FHIT: variants seen among roughly 807,000 people sequenced by gnomAD.
FHIT encodes bis(5'-adenosyl)-triphosphatase.
In FHIT, 19 loss-of-function variants were observed where a neutral mutation model predicts 17.9. The observed-to-expected ratio is 1.06, with a 90% CI of 0.74 to 1.56. FHIT has a LOEUF of 1.56. FHIT is among the 40% of genes most tolerant of loss of function. FHIT has a pLI of 0.00. For missense variants in FHIT, 248 were observed against 189.2 expected, an observed-to-expected ratio of 1.31 and a Z score of -1.82; for synonymous variants, 81 against 69.7, an observed-to-expected ratio of 1.16 and a Z score of -0.81.
intron 5 of FHIT, among the ~76,000 whole-genome samples, chr3:60,378,545 C>G (rs1700670349): frequency 6.6e-6 from 1 of 151,992 alleles, no homozygotes; most frequent in Non-Finnish European, 1.5e-5. Context: ...CTTGGTATTT[C>G]AAAGATAATG....
chr3:60,438,918 A>G (rs1404748584), intron 5 of FHIT, among the ~76,000 whole-genome samples: 1 of 152,096 alleles, frequency 6.6e-6, no homozygotes, highest in East Asian at 1.9e-4. Context: ...CAATTCCCAA[A>G]CCCATCATAC....
At chr3:61,196,774 G>A (rs188080404) in intron 2 of FHIT, among the ~76,000 whole-genome samples, 44 of 152,308 alleles carry the variant, frequency 2.9e-4, no homozygotes, top group Admixed American at 2.5e-3. Context: ...AGCTGTAGCC[G>A]CTGAAGAGAG....
chr3:59,819,995 C>T (rs1395126030), intron 8 of FHIT, among the ~76,000 whole-genome samples: 17 of 152,236 alleles, frequency 1.1e-4, no homozygotes, highest in Admixed American at 1.0e-3. Context: ...ATGCCAGAAG[C>T]AGAGGGCAAG....
chr3:60,572,569 A>G lies in FHIT; in HGVS notation c.-17-35590T>C, dbSNP rs186382948. Among the ~76,000 whole-genome samples, 9 of 152,228 alleles carry G rather than the reference A, an allele frequency of 5.9e-5. No homozygotes were observed. The East Asian group carries it at 1.5e-3, about 26-fold the overall frequency. ...ACACAGACACACACACACTCTATCT[A>G]CAGATCATCCTGGTATCCAATGTGA... On this transcript the variant is annotated intron_variant, in intron 4 of 9. Coordinates refer to ENST00000492590, the MANE Select transcript of FHIT (RefSeq NM_002012.4).
chr3:60,141,368 A>G (rs969518124), intron 5 of FHIT, among the ~76,000 whole-genome samples: 11 of 151,396 alleles, frequency 7.3e-5, no homozygotes, highest in Admixed American at 7.2e-4. Context: ...TGATATTGAG[A>G]CAGCATGATG....
At chr3:60,454,028 C>T (rs1479049042) in intron 5 of FHIT, among the ~76,000 whole-genome samples, 1 of 152,134 alleles carries the variant, frequency 6.6e-6, no homozygotes. Context: ...ATGACTATTT[C>T]ATCTTAAGAA....
At chr3:59,968,686 T>C (rs999783447) in intron 7 of FHIT, among the ~76,000 whole-genome samples, 1 of 152,096 alleles carries the variant, frequency 6.6e-6, no homozygotes, top group African/African-American at 2.4e-5. Flanking sequence ...ATTAAGTCCA[T>C]TAGTTACATA....
At chr3:59,830,879 G>A (rs1026187322) in intron 8 of FHIT, among the ~76,000 whole-genome samples, 3 of 152,140 alleles carry the variant, frequency 2.0e-5, no homozygotes, top group African/African-American at 7.2e-5. Context: ...TATAGAATGT[G>A]GACTCAAGGC....
At chr3:60,959,833 T>A (rs1709333473) in intron 3 of FHIT, among the ~76,000 whole-genome samples, 1 of 151,260 alleles carries the variant, frequency 6.6e-6, no homozygotes. Flanking sequence ...TCAACACTGT[T>A]TGGTGTTTAT....
rs534335503 is a variant in FHIT, at chr3:61,067,954, A to G, written c.-163-25855T>C. Among the ~76,000 whole-genome samples the G allele has an allele frequency of 5.9e-5, 9 of 152,284 alleles. No homozygotes were observed. In the East Asian group the frequency reaches 1.7e-3, roughly 29 times the overall value. On this transcript the variant is annotated intron_variant, in intron 2 of 9. Coordinates refer to ENST00000492590, the MANE Select transcript of FHIT (RefSeq NM_002012.4). ...CTACTCAATATTTGGGAATTCTATT[A>G]TTGTATAATGGTGGTTCTCAAACTT...
chr3:60,163,454 C>G (rs1701026782), intron 5 of FHIT, among the ~76,000 whole-genome samples: 2 of 152,114 alleles, frequency 1.3e-5, no homozygotes, highest in Admixed American at 1.3e-4. Context: ...CATCAGCCCC[C>G]TTTCTTCCTG....
chr3:60,877,747 T>G (rs1004639143), intron 3 of FHIT, among the ~76,000 whole-genome samples: 3 of 152,052 alleles, frequency 2.0e-5, no homozygotes, highest in Admixed American at 6.6e-5. Flanking sequence ...CAGTCTACCC[T>G]ACTGGACAAT....
intron 5 of FHIT, among the ~76,000 whole-genome samples, chr3:60,255,515 C>G (rs1479581089): frequency 6.6e-6 from 1 of 152,050 alleles, no homozygotes; most frequent in African/African-American, 2.4e-5. Context: ...GGCGACAAAC[C>G]CAACTTCTCA....
chr3:60,807,009 A>C (rs1166873897), intron 4 of FHIT, among the ~76,000 whole-genome samples: 1 of 152,246 alleles, frequency 6.6e-6, no homozygotes, highest in African/African-American at 2.4e-5. Context: ...AATAATAAAG[A>C]GGAAAATGAG....
chr3:60,909,160 G>C (rs1008601196), intron 3 of FHIT, among the ~76,000 whole-genome samples: 1 of 152,052 alleles, frequency 6.6e-6, no homozygotes, highest in Non-Finnish European at 1.5e-5. Context: ...CACGAGGTCA[G>C]GAGATCGAGA....
At chr3:61,003,905 G>GT (rs753651145) in intron 3 of FHIT, among the ~76,000 whole-genome samples, 14 of 152,208 alleles carry the variant, frequency 9.2e-5, no homozygotes, top group Admixed American at 3.3e-4. Context: ...CATCAGTTTG[G>GT]TTTTTTATGG....
At chr3:60,861,423 G>T (rs1202921255) in intron 3 of FHIT, among the ~76,000 whole-genome samples, 2 of 150,466 alleles carry the variant, frequency 1.3e-5, no homozygotes, top group Non-Finnish European at 3.0e-5. Flanking sequence ...GCATTGTAGG[G>T]TGTTGAGCAG....
chr3:60,929,813 A>C (rs1707850614), intron 3 of FHIT, among the ~76,000 whole-genome samples: 1 of 152,234 alleles, frequency 6.6e-6, no homozygotes, highest in African/African-American at 2.4e-5. Context: ...ATTCAACGCC[A>C]TCCCCATCAA....
chr3:60,222,047 G>A (rs1269764438), intron 5 of FHIT, among the ~76,000 whole-genome samples: 1 of 152,044 alleles, frequency 6.6e-6, no homozygotes, highest in African/African-American at 2.4e-5. Flanking sequence ...ATACTGGTAG[G>A]CAGTAAGTGC....
Sources: allele counts gnomAD v4.1 joint callset (sites outside exome capture counted in the v4.1 genomes callset), GRCh38; gene constraint gnomAD v4.1.1; transcripts MANE v1.5; gene names NCBI Gene and HGNC (gene_info 2026-07-23, HGNC 2026-07-21).